NCOA2: variants seen among roughly 807,000 people sequenced by gnomAD.
NCOA2 encodes class E basic helix-loop-helix protein 75.
Under a neutral mutation model 145.1 loss-of-function variants are expected in NCOA2, and 21 were observed. The observed-to-expected ratio is 0.14, with a 90% CI of 0.10 to 0.21. NCOA2 has a LOEUF of 0.21. Ranked by LOEUF, NCOA2 falls within the 10% of genes least tolerant of loss-of-function variation. The pLI is 1.00. For missense variants in NCOA2, 1,472 were observed against 1,837.6 expected, an observed-to-expected ratio of 0.80 and a Z score of 3.64; for synonymous variants, 619 against 637.5, an observed-to-expected ratio of 0.97 and a Z score of 0.44.
At chr8:70,396,749 C>G (rs1053734287) in intron 1 of NCOA2, among the ~76,000 whole-genome samples, 4 of 152,202 alleles carry the variant, frequency 2.6e-5, no homozygotes, top group Non-Finnish European at 5.9e-5. Flanking sequence ...GAAGATGCCT[C>G]CTGATACAAT....
At chr8:70,326,099 A>T (rs1225424608) in intron 1 of NCOA2, among the ~76,000 whole-genome samples, 2 of 152,190 alleles carry the variant, frequency 1.3e-5, no homozygotes, top group Non-Finnish European at 2.9e-5. Flanking sequence ...TCTTAATCAT[A>T]TAAACACTTT....
intron 14 of NCOA2, among the ~76,000 whole-genome samples, chr8:70,138,930 A>G (rs1334649019): frequency 6.6e-6 from 1 of 152,270 alleles, no homozygotes; most frequent in African/African-American, 2.4e-5. Context: ...AAGAGTGAAG[A>G]AGCCAACAGT....
At chr8:70,444,898 C>A in the NCOA2 span, among the ~76,000 whole-genome samples, 8 of 152,158 alleles carry the variant, frequency 5.3e-5, no homozygotes, top group African/African-American at 1.9e-4. Context: ...TTGATTCTAT[C>A]TTTTAAATTT....
chr8:70,424,591 C>T, the NCOA2 span: 99 of 475,832 alleles, frequency 2.1e-4, 1 homozygote, highest in South Asian at 8.7e-4. Context: ...GCAGCACAAG[C>T]GGCGGTGTGC....
At chr8:70,316,709 C>T (rs2136095334) in intron 1 of NCOA2, among the ~76,000 whole-genome samples, 1 of 152,282 alleles carries the variant, frequency 6.6e-6, no homozygotes, top group South Asian at 2.1e-4. Context: ...CTTCCTGAGC[C>T]AGTGTAATAA....
chr8:70,377,395 TAATA>T (rs1811777972), intron 1 of NCOA2, among the ~76,000 whole-genome samples: 1 of 152,100 alleles, frequency 6.6e-6, no homozygotes, highest in African/African-American at 2.4e-5. Flanking sequence ...CTTATAAATT[TAATA>T]AATAAAAATT....
chr8:70,414,857 A>G, the NCOA2 span, among the ~76,000 whole-genome samples: 4 of 152,242 alleles, frequency 2.6e-5, no homozygotes, highest in Non-Finnish European at 5.9e-5. Context: ...TAGCCATTCA[A>G]GGACTTGTTA....
rs183993364 is a variant in NCOA2, at chr8:70,221,983, T to C, written c.-19-5219A>G. Among the ~76,000 whole-genome samples, 519 of 152,336 alleles carry C rather than the reference T, an allele frequency of 3.4e-3. 5 individuals are homozygous for C. Among genetic ancestry groups the C allele is most frequent in the African/African-American group, 0.011 (465 of 41,586 alleles). On this transcript the variant is annotated intron_variant, in intron 2 of 22. Coordinates refer to ENST00000452400, the MANE Select transcript of NCOA2 (RefSeq NM_006540.4). Reference sequence around the variant, plus strand: ...GTCATTACTCTTTTTTACTAGATCATAAGGGCTCTTTTAACGTCATCTTTA... The same window carrying C: ...GTCATTACTCTTTTTTACTAGATCACAAGGGCTCTTTTAACGTCATCTTTA...
intron 9 of NCOA2, 62 bp from the exon 10 acceptor site, chr8:70,159,714 A>G: frequency 6.9e-7 from 1 of 1,458,618 alleles, no homozygotes; most frequent in South Asian, 1.2e-5. Flanking sequence ...GTCGGGGAGG[A>G]CAAGACATAA....
chr8:70,161,443 A>G (rs1039098904), intron 9 of NCOA2, among the ~76,000 whole-genome samples: 3 of 152,228 alleles, frequency 2.0e-5, no homozygotes, highest in African/African-American at 7.2e-5. Flanking sequence ...ACTTGAAGAA[A>G]AATGACGGAA....
Position 70,111,845 on chromosome 8 carries a change from CTAA to C in NCOA2, c.*1784_*1786del, listed in dbSNP as rs1234255746. Reference sequence around the variant, plus strand: ...ACTTCTCTGTTCCTAAAAAGCCTGGCTAATGAGATATTATAAAATGCTTTGCTT... The same window carrying C: ...ACTTCTCTGTTCCTAAAAAGCCTGGCTGAGATATTATAAAATGCTTTGCTT... On this transcript the variant is annotated 3_prime_UTR_variant, in exon 23 of 23. Transcript: ENST00000452400. 1 of 220,624 alleles carries C rather than the reference CTAA, an allele frequency of 4.5e-6. No homozygotes were observed. The highest frequency in any genetic ancestry group is 9.1e-6 in the Non-Finnish European group (1 of 110,380). 13.7% of individuals were successfully genotyped at this position (220,624 alleles called of 1,614,324 possible).
chr8:70,447,571 T>C, the NCOA2 span, among the ~76,000 whole-genome samples: 1 of 152,172 alleles, frequency 6.6e-6, no homozygotes, highest in African/African-American at 2.4e-5. Flanking sequence ...AGACTTTTTC[T>C]TTGAGACAAG....
chr8:70,294,924 G>A (rs1826973926), intron 2 of NCOA2, among the ~76,000 whole-genome samples: 1 of 152,172 alleles, frequency 6.6e-6, no homozygotes. Flanking sequence ...AATTGCACTT[G>A]TAAAATAGAT....
At chr8:70,220,902 G>A (rs1820077695) in intron 2 of NCOA2, among the ~76,000 whole-genome samples, 1 of 152,172 alleles carries the variant, frequency 6.6e-6, no homozygotes, top group African/African-American at 2.4e-5. Flanking sequence ...TACTGCTGCT[G>A]AACTCCAAAC....
chr8:70,171,569 C>T (rs1477598888), intron 5 of NCOA2, among the ~76,000 whole-genome samples: 1 of 152,226 alleles, frequency 6.6e-6, no homozygotes, highest in South Asian at 2.1e-4. Flanking sequence ...TTATGGATCA[C>T]GTGAGTGATC....
intron 1 of NCOA2, among the ~76,000 whole-genome samples, chr8:70,311,055 A>G (rs908201881): frequency 1.4e-4 from 22 of 152,106 alleles, no homozygotes; most frequent in Admixed American, 1.3e-3. Flanking sequence ...ATTAGCACCT[A>G]GCACAATGTC....
intron 1 of NCOA2, among the ~76,000 whole-genome samples, chr8:70,324,407 G>T (rs1296996420): frequency 6.6e-6 from 1 of 152,140 alleles, no homozygotes; most frequent in Non-Finnish European, 1.5e-5. Context: ...TGTGACCAAA[G>T]CTCGCTGCAA....
In NCOA2 at chr8:70,147,652, A is replaced by T. The variant is rs1320076931; in HGVS notation, c.2605+621T>A. 3.3e-5 allele frequency among the ~76,000 whole-genome samples: 5 copies of T among 152,216 alleles called. No homozygotes were observed. In the East Asian group the frequency reaches 9.6e-4, roughly 29 times the overall value. On this transcript the variant is annotated intron_variant, in intron 12 of 22. Transcript: ENST00000452400. ...CAAAACTTTAAAATGAAAAGATAGA[A>T]GATGTTCTTTCTAAACAGACAACTT...
intron 4 of NCOA2, among the ~76,000 whole-genome samples, chr8:70,204,720 G>A (rs553594036): frequency 1.3e-5 from 2 of 152,226 alleles, no homozygotes; most frequent in African/African-American, 4.8e-5. Context: ...GGCTGGGTGC[G>A]GTGGCTCACG....
Sources: gnomAD v4.1 joint callset for allele counts (sites outside exome capture counted in the v4.1 genomes callset) on GRCh38, gnomAD v4.1.1 for gene constraint, MANE v1.5 for transcripts, NCBI Gene and HGNC (gene_info 2026-07-23, HGNC 2026-07-21) for gene names.